COL6A5: variants seen among roughly 807,000 people sequenced by gnomAD.
COL6A5 encodes collagen type VI alpha 5 chain.
Under a neutral mutation model 65.6 loss-of-function variants are expected in COL6A5, and 48 were observed. The observed-to-expected ratio is 0.73, with a 90% CI of 0.58 to 0.93. The LOEUF is 0.93. Ranked by LOEUF, COL6A5 falls within the 40% of genes least tolerant of loss-of-function variation. The pLI, the probability that COL6A5 is intolerant of heterozygous loss-of-function variation, is 0.00. For synonymous variants in COL6A5, 291 were observed against 322.8 expected (o/e 0.90, Z 1.05); for missense variants, 914 against 928.3 (o/e 0.98, Z 0.20).
At chr3:130,459,818 T>C (rs985262964) in intron 5 of COL6A5, among the ~76,000 whole-genome samples, 1 of 152,130 alleles carries the variant, frequency 6.6e-6, no homozygotes, top group African/African-American at 2.4e-5. Context: ...TTGAGTTTTT[T>C]TTTAATGCAG....
intron 1 of COL6A5, among the ~76,000 whole-genome samples, chr3:130,433,944 C>CT (rs903218915): frequency 3.4e-5 from 5 of 149,044 alleles, no homozygotes; most frequent in African/African-American, 4.9e-5. Flanking sequence ...TTTGCCTTAC[C>CT]TTTTTTTTTA....
At chr3:130,377,155 A>T (rs1432420440) in intron 3 of COL6A5, among the ~76,000 whole-genome samples, 1 of 152,110 alleles carries the variant, frequency 6.6e-6, no homozygotes, top group Non-Finnish European at 1.5e-5. Context: ...CACACAGCTT[A>T]TGACAGCAGC....
intron 4 of COL6A5, among the ~76,000 whole-genome samples, chr3:130,450,722 G>A (rs1306042045): frequency 6.6e-6 from 1 of 152,160 alleles, no homozygotes; most frequent in African/African-American, 2.4e-5. Context: ...TAAAAAATCA[G>A]GGTATAATTC....
At chr3:130,405,732 TC>T (rs1408415819) in intron 14 of COL6A5, 73 bp downstream of exon 14, 3 of 1,224,110 alleles carry the variant, frequency 2.5e-6, no homozygotes, top group Non-Finnish European at 2.3e-6. Context: ...ATTCCTTTCC[TC>T]CCTCATTTTC....
At chr3:130,463,080 G>T (rs1439750933) in intron 5 of COL6A5, among the ~76,000 whole-genome samples, 1 of 152,088 alleles carries the variant, frequency 6.6e-6, no homozygotes, top group Non-Finnish European at 1.5e-5. Flanking sequence ...AATGAAAGAA[G>T]ACAAGCGTAG....
intron 7 of COL6A5, among the ~76,000 whole-genome samples, chr3:130,393,297 G>T (rs1044395947): frequency 1.3e-5 from 2 of 151,892 alleles, no homozygotes; most frequent in African/African-American, 4.8e-5. Context: ...CACTGTGCCT[G>T]CCTACGTCTC....
chr3:130,471,074 T>TTGTGTG lies in COL6A5; in HGVS notation c.2328+129_2328+134dup, dbSNP rs34150957. 3.6e-3 allele frequency: 1,994 copies of TTGTGTG among 553,370 alleles called. 10 individuals are homozygous for TTGTGTG. Among genetic ancestry groups the TTGTGTG allele is most frequent in the South Asian group, 0.022 (951 of 44,090 alleles). 34.3% of individuals were successfully genotyped at this position (553,370 alleles called of 1,614,324 possible). A position where few individuals can be genotyped will look rare whatever the true frequency, so the allele number is the denominator to read the frequency against. On this transcript the variant is annotated intron_variant, in intron 7 of 7. Transcript: ENST00000512836. ...GTTTTCAAGATCCAAGTGTGTGTTTTTGTGTGTGTGTGTGTGTGTGTGTGT... is the reference window on the plus strand; with the variant it reads ...GTTTTCAAGATCCAAGTGTGTGTTTTTGTGTGTGTGTGTGTGTGTGTGTGTGTGTGT...
intron 1 of COL6A5, among the ~76,000 whole-genome samples, chr3:130,346,638 T>C (rs890695566): frequency 2.0e-5 from 3 of 152,196 alleles, no homozygotes; most frequent in African/African-American, 7.2e-5. Flanking sequence ...TAAGGTTCTT[T>C]CAAAGTGCTG....
intron 29 of COL6A5, among the ~76,000 whole-genome samples, chr3:130,424,441 T>C (rs1937568466): frequency 6.6e-6 from 1 of 152,100 alleles, no homozygotes; most frequent in South Asian, 2.1e-4. Context: ...CTCTCTATTT[T>C]AGTGCCTCCC....
At chr3:130,484,557 C>T in exon 8 of COL6A5, 1 of 398,948 alleles carries the variant, frequency 2.5e-6, no homozygotes, top group East Asian at 3.6e-5. Context: ...CTTCTAAAAC[C>T]CACCTGTCAG....
upstream of COL6A5, among the ~76,000 whole-genome samples, chr3:130,428,333 C>T (rs1937653812): frequency 6.6e-6 from 1 of 152,064 alleles, no homozygotes; most frequent in African/African-American, 2.4e-5. Context: ...ACATCATTTG[C>T]TCCTCAGTCC....
In COL6A5 at chr3:130,476,575, G is replaced by GC. The variant is rs1430519622; in HGVS notation, c.2328+5609dup. Among the ~76,000 whole-genome samples, 5 of 152,106 alleles carry GC rather than the reference G, an allele frequency of 3.3e-5. No homozygotes were observed. The East Asian group carries it at 9.7e-4, about 30-fold the overall frequency. On this transcript the variant is annotated intron_variant, in intron 7 of 7. Transcript: ENST00000512836. ...CACATTCTCTAGAGGTAAGACACAGGCATCAGTTCTTTTGTTTTGTTTTGT... is the reference window on the plus strand; with the variant it reads ...CACATTCTCTAGAGGTAAGACACAGGCCATCAGTTCTTTTGTTTTGTTTTGT...
At chr3:130,429,611 TG>T, upstream of COL6A5, 2 of 1,538,574 alleles carry the variant, frequency 1.3e-6, no homozygotes, top group Non-Finnish European at 1.8e-6. Context: ...TGCTGTTCCC[TG>T]CTGAGATCAT....
chr3:130,385,030 T>G, exon 5 of COL6A5: 4 of 1,550,926 alleles, frequency 2.6e-6, no homozygotes, highest in Non-Finnish European at 3.5e-6. Context: ...GAAAGGCTAT[T>G]TTTAACATTA....
At chr3:130,411,793 C>T (rs1318583216) in intron 20 of COL6A5, among the ~76,000 whole-genome samples, 2 of 152,076 alleles carry the variant, frequency 1.3e-5, no homozygotes, top group African/African-American at 4.8e-5. Context: ...ATGGACAAAC[C>T]AGCCAATTAC....
At chr3:130,392,734 A>G (rs1296358052) in intron 7 of COL6A5, among the ~76,000 whole-genome samples, 1 of 152,150 alleles carries the variant, frequency 6.6e-6, no homozygotes, top group East Asian at 1.9e-4. Flanking sequence ...ACTCCAAACA[A>G]AACCTTACCT....
chr3:130,484,225 A>AGG (rs1353073477), exon 8 of COL6A5: 2 of 597,342 alleles, frequency 3.3e-6, no homozygotes, highest in Non-Finnish European at 5.6e-6. Context: ...TGAGGAGAAG[A>AGG]ATTTTCGGAG....
exon 7 of COL6A5, chr3:130,391,694 G>T (rs1936408349): frequency 6.4e-7 from 1 of 1,551,616 alleles, no homozygotes; most frequent in South Asian, 1.2e-5. Flanking sequence ...AGATAATTTT[G>T]ACAAACTGAA....
chr3:130,445,806 G>C (rs1709291064), intron 4 of COL6A5, among the ~76,000 whole-genome samples: 1 of 152,194 alleles, frequency 6.6e-6, no homozygotes, highest in South Asian at 2.1e-4. Flanking sequence ...CCTTCTGCCA[G>C]AGGAGCAATT....
Sources: allele counts gnomAD v4.1 joint callset (sites outside exome capture counted in the v4.1 genomes callset), GRCh38; gene constraint gnomAD v4.1.1; transcripts MANE v1.5; gene names NCBI Gene and HGNC (gene_info 2026-07-23, HGNC 2026-07-21).